Variants in SPTLC1 observed in about 807,000 individuals in gnomAD.
The protein encoded by SPTLC1 is serine palmitoyltransferase long chain base subunit 1.
SPTLC1 carries 55 observed loss-of-function variants against 68.9 expected under a neutral mutation model. The observed-to-expected ratio is 0.80, with a 90% CI of 0.64 to 1.00. SPTLC1 has a LOEUF of 1.00. Among genes scored for constraint, SPTLC1 ranks in the 50% least tolerant of loss-of-function variants. The pLI is 0.00. For synonymous variants in SPTLC1, 197 were observed against 201.6 expected (o/e 0.98, Z 0.19); for missense variants, 449 against 573.1 (o/e 0.78, Z 2.21).
chr9:92,100,041 G>A (rs143330048), intron 3 of SPTLC1, among the ~76,000 whole-genome samples: 10,268 of 151,212 alleles, frequency 0.068, 666 homozygotes, highest in East Asian at 0.27. Context: ...ATTAAGTGAC[G>A]CATGACTGTA....
At chr9:92,085,928 G>T (rs1304190620) in intron 3 of SPTLC1, among the ~76,000 whole-genome samples, 1 of 152,028 alleles carries the variant, frequency 6.6e-6, no homozygotes, top group African/African-American at 2.4e-5. Flanking sequence ...GGGTGCTCCT[G>T]TATTGGGTGC....
At chr9:92,054,581 T>C (rs1833817307) in intron 8 of SPTLC1, among the ~76,000 whole-genome samples, 1 of 152,196 alleles carries the variant, frequency 6.6e-6, no homozygotes, top group Admixed American at 6.5e-5. Context: ...AAAGTAGGTG[T>C]ATTTTATACG....
chr9:92,081,113 A>G, intron 3 of SPTLC1, 150 bp from the exon 4 acceptor site: 1 of 649,416 alleles, frequency 1.5e-6, no homozygotes, highest in Non-Finnish European at 2.8e-6. Flanking sequence ...AAGTAATATT[A>G]GAGCATGGTA....
chr9:92,084,839 T>C (rs910441463), intron 3 of SPTLC1, among the ~76,000 whole-genome samples: 2 of 152,140 alleles, frequency 1.3e-5, no homozygotes, highest in Non-Finnish European at 2.9e-5. Context: ...CTTGTACCTC[T>C]GGTAGAATTC....
At chr9:92,058,535 C>A (rs1357974925) in intron 7 of SPTLC1, among the ~76,000 whole-genome samples, 2 of 152,180 alleles carry the variant, frequency 1.3e-5, no homozygotes, top group Non-Finnish European at 2.9e-5. Flanking sequence ...TCTGAACACA[C>A]TTCCTCTGTT....
rs758108762 is a variant in SPTLC1 at position 92,032,553 on chromosome 9, C to T, written c.1334G>A (p.Arg445Gln). Residue 445 changes from arginine to glutamine, a missense_variant, in exon 15 of 15, where the codon CGG (arginine) becomes CAG (glutamine). This residue lies in a region of SPTLC1 where 391 missense variants were observed against 472.1 expected (regional missense o/e 0.83). Transcript: ENST00000262554. ...EEKCLPPPSIRVVVTVEQTEE... is the reference protein window; with the variant it reads ...EEKCLPPPSIQVVVTVEQTEE... The stretch of plus-strand genomic sequence containing the variant: ...TGTTTGTTCCACCGTGACCACAACC[C>T]GAATGCTGAGAACAGTAAAGGACAC... 3.7e-6 allele frequency: 6 copies of T among 1,614,048 alleles called. No individual in the cohort carries two copies. Among genetic ancestry groups the T allele is most frequent in the East Asian group, 4.5e-5 (2 of 44,864 alleles).
At chr9:92,068,861 C>T (rs1024708892) in intron 5 of SPTLC1, among the ~76,000 whole-genome samples, 1 of 152,194 alleles carries the variant, frequency 6.6e-6, no homozygotes, top group African/African-American at 2.4e-5. Flanking sequence ...AAATAGGCCA[C>T]TGGCCAGCTT....
chr9:92,102,012 CAAAG>C (rs1461889739), intron 3 of SPTLC1, among the ~76,000 whole-genome samples: 2 of 152,044 alleles, frequency 1.3e-5, no homozygotes, highest in South Asian at 2.1e-4. Flanking sequence ...AAGTCAAACA[CAAAG>C]AAAAACTTCT....
intron 3 of SPTLC1, chr9:92,105,574 G>C: frequency 1.8e-6 from 1 of 549,312 alleles, no homozygotes; most frequent in Non-Finnish European, 3.2e-6. Flanking sequence ...TCCACCATCT[G>C]GGAAGTGAGG....
chr9:92,066,111 G>A (rs1425003622), intron 6 of SPTLC1, among the ~76,000 whole-genome samples: 1 of 152,094 alleles, frequency 6.6e-6, no homozygotes, highest in Non-Finnish European at 1.5e-5. Context: ...TAAGTAATGG[G>A]CTCCCAGCAA....
intron 5 of SPTLC1, among the ~76,000 whole-genome samples, chr9:92,069,061 A>G (rs903720274): frequency 6.6e-6 from 1 of 152,122 alleles, no homozygotes. Context: ...TTAGAGCGCT[A>G]TGGGAGAAAG....
At chr9:92,053,298 G>A (rs1833775325) in intron 8 of SPTLC1, among the ~76,000 whole-genome samples, 1 of 152,098 alleles carries the variant, frequency 6.6e-6, no homozygotes, top group South Asian at 2.1e-4. Flanking sequence ...CTGTAACCCT[G>A]GTATATAGCT....
At chr9:92,069,212 G>C (rs964938414) in intron 5 of SPTLC1, among the ~76,000 whole-genome samples, 10 of 152,184 alleles carry the variant, frequency 6.6e-5, no homozygotes, top group African/African-American at 1.7e-4. Flanking sequence ...GAGGGCTGAC[G>C]GCCTGGCAGG....
intron 5 of SPTLC1, chr9:92,079,009 T>C (rs1333892432): frequency 1.0e-6 from 1 of 960,058 alleles, no homozygotes; most frequent in Non-Finnish European, 1.2e-6. Context: ...CTTGCTCTAC[T>C]TTCCCCACAC....
Position 92,036,828 on chromosome 9 carries a change from C to T in SPTLC1, c.1254+1420G>A, listed in dbSNP as rs541270908. Among the ~76,000 whole-genome samples the T allele has an allele frequency of 2.6e-5, 4 of 152,272 alleles. No homozygotes were observed. The East Asian group carries it at 5.8e-4, about 22-fold the overall frequency. ...TTTGTGTTTGTCTGTATTTAAGGAA[C>T]GTTACAATACAAACAATGAGGCAGT... On this transcript the variant is annotated intron_variant, in intron 13 of 14. Transcript: ENST00000262554.
At chr9:92,061,390 T>C (rs538835411) in intron 6 of SPTLC1, among the ~76,000 whole-genome samples, 1 of 152,302 alleles carries the variant, frequency 6.6e-6, no homozygotes, top group African/African-American at 2.4e-5. Flanking sequence ...CCCAGAATCC[T>C]ATAACCAGCA....
At position 92,087,130 on chromosome 9, in the gene SPTLC1, A is replaced by C. The variant is rs1246584493; in HGVS notation, c.261-6167T>G. Among the ~76,000 whole-genome samples the C allele has an allele frequency of 2.0e-5, 3 of 151,778 alleles. No individual in the cohort carries two copies. The East Asian group carries it at 6.0e-4, about 30-fold the overall frequency. ...AGCACTTCTCTGTATTGGTTATTCT[A>C]GTTATACATTCGTCTAAATTTTTTT... On this transcript the variant is annotated intron_variant, in intron 3 of 14. Transcript: ENST00000262554.
At chr9:92,078,499 T>C (rs1431217781) in intron 5 of SPTLC1, among the ~76,000 whole-genome samples, 1 of 152,220 alleles carries the variant, frequency 6.6e-6, no homozygotes, top group Non-Finnish European at 1.5e-5. Context: ...CACTCTGTCA[T>C]CCAGGCTGAA....
intron 3 of SPTLC1, among the ~76,000 whole-genome samples, chr9:92,098,350 C>A (rs1323625589): frequency 6.6e-6 from 1 of 151,898 alleles, no homozygotes; most frequent in Non-Finnish European, 1.5e-5. Flanking sequence ...CGCTCTGCAC[C>A]TTTGGCACAG....
Sources: allele counts gnomAD v4.1 joint callset (sites outside exome capture counted in the v4.1 genomes callset), GRCh38; gene constraint gnomAD v4.1.1; regional missense constraint gnomAD v4.1.1; transcripts MANE v1.5; gene names NCBI Gene and HGNC (gene_info 2026-07-23, HGNC 2026-07-21).